Variants in DDX59 observed in about 807,000 individuals in gnomAD.
DDX59 encodes DEAD-box helicase 59, also known as probable ATP-dependent RNA helicase DDX59.
DDX59 carries 30 observed loss-of-function variants against 51.9 expected under a neutral mutation model. The observed-to-expected ratio is 0.58, with a 90% CI of 0.43 to 0.78. The LOEUF is 0.78. Among genes scored for constraint, DDX59 ranks in the 30% least tolerant of loss-of-function variants. The pLI, the probability that DDX59 is intolerant of heterozygous loss-of-function variation, is 0.00. For missense variants in DDX59, 672 were observed against 730.8 expected (o/e 0.92, Z 0.93); for synonymous variants, 255 against 253.3 (o/e 1.01, Z -0.06).
chr1:200,657,479 G>A, intron 4 of DDX59, among the ~76,000 whole-genome samples: 1 of 152,086 alleles, frequency 6.6e-6, no homozygotes, highest in East Asian at 1.9e-4. Context: ...GGCGGGTGCA[G>A]TGGCTCACAC....
At chr1:200,646,296 T>C (rs1056953285) in intron 7 of DDX59, among the ~76,000 whole-genome samples, 5 of 152,018 alleles carry the variant, frequency 3.3e-5, no homozygotes, top group Admixed American at 6.6e-5. Flanking sequence ...ACTGTGCCAC[T>C]GTACTCCAGC....
chr1:200,654,965 T>C (rs1416606395), intron 4 of DDX59: 8 of 152,196 alleles, frequency 5.3e-5, no homozygotes, highest in Non-Finnish European at 8.8e-5. Flanking sequence ...CCCCTGCCTC[T>C]GTTTCTGCTC....
At chr1:200,647,111 G>A (rs950059944) in intron 7 of DDX59, among the ~76,000 whole-genome samples, 3 of 152,174 alleles carry the variant, frequency 2.0e-5, no homozygotes, top group Admixed American at 6.5e-5. Context: ...CACTAACGGC[G>A]TTTCAGTGGG....
At chr1:200,646,614 AG>A (rs568852223) in intron 7 of DDX59, among the ~76,000 whole-genome samples, 121 of 152,352 alleles carry the variant, frequency 7.9e-4, no homozygotes, top group African/African-American at 2.8e-3. Flanking sequence ...AGTGTTGATG[AG>A]GATGTGGGGA....
rs886037652 is a variant in DDX59 at position 200,644,514 on chromosome 1, C to T, written c.1600G>A (p.Gly534Arg). 3 of 1,563,456 alleles carry T rather than the reference C, an allele frequency of 1.9e-6. No individual in the cohort carries two copies. The highest frequency in any genetic ancestry group is 2.6e-6 in the Non-Finnish European group (3 of 1,157,218). Reference sequence around the variant, plus strand: ...TTTTGACCTAATCTTCCTACTCTTCCAATCTGAAATAAAATGCAAAGAACA... The same window carrying T: ...TTTTGACCTAATCTTCCTACTCTTCTAATCTGAAATAAAATGCAAAGAACA... ...SSMDEYVHQI[G>R]RVGRLGQNGT... The change falls in exon 8 of 8, where the codon GGA becomes AGA. Residue 534 changes from glycine to arginine, a missense_variant. Gly to Arg is a moderately radical substitution (Grantham distance 125). Coordinates refer to ENST00000331314, the MANE Select transcript of DDX59 (RefSeq NM_001031725.6).
chr1:200,662,757 G>A (rs16847099), intron 3 of DDX59, among the ~76,000 whole-genome samples: 17 of 152,072 alleles, frequency 1.1e-4, no homozygotes, highest in African/African-American at 3.4e-4. Flanking sequence ...TTATCCATTC[G>A]TTGCAATGAA....
intron 5 of DDX59, among the ~76,000 whole-genome samples, chr1:200,649,843 CTTT>C (rs777404977): frequency 2.1e-5 from 3 of 139,994 alleles, no homozygotes; most frequent in Admixed American, 7.2e-5. Flanking sequence ...TAACTTAATA[CTTT>C]TTTTTTTTTT....
rs1472902509 is a variant in DDX59 at position 200,661,952 on chromosome 1, T to C, written c.972+1967A>G. ...CTTGGTGCTGTCATCATGATAGTTC[T>C]TGTGAGATCTAGTTGTTTAAAAGTG... is the stretch of plus-strand genomic sequence containing the variant. On this transcript the variant is annotated intron_variant, in intron 3 of 7. Transcript: ENST00000331314. Among the ~76,000 whole-genome samples, 3 of 152,290 alleles carry C rather than the reference T, an allele frequency of 2.0e-5. No homozygotes were observed. In the East Asian group the frequency reaches 5.8e-4, roughly 29 times the overall value.
chr1:200,650,673 C>G lies in DDX59; in HGVS notation c.1066G>C (p.Asp356His). The change falls in exon 5 of 8, where the codon GAT becomes CAT. Residue 356 changes from aspartate (D) to histidine (H), a missense_variant. By Grantham distance (81) the Asp-to-His change is moderately conservative. Coordinates refer to ENST00000331314, the MANE Select transcript of DDX59 (RefSeq NM_001031725.6). ...GVKIVVVDEADTMLKMGFQQQ... is the reference protein window; with the variant it reads ...GVKIVVVDEAHTMLKMGFQQQ... ...TGAAAACCCATCTTTAACATGGTAT[C>G]AGCCTAAAATAAAATTGTATTAAAG... The G allele has an allele frequency of 6.2e-7, 1 of 1,604,334 alleles. No homozygotes were observed. Among genetic ancestry groups the G allele is most frequent in the South Asian group, 1.1e-5 (1 of 90,026 alleles).
chr1:200,662,525 G>A (rs1662441285), intron 3 of DDX59, among the ~76,000 whole-genome samples: 2 of 152,142 alleles, frequency 1.3e-5, no homozygotes. Context: ...GCATGGTGGT[G>A]GGCGCCTGTA....
chr1:200,664,282 A>G (rs1662571818), intron 2 of DDX59, among the ~76,000 whole-genome samples, 196 bp from the exon 3 acceptor site: 1 of 152,156 alleles, frequency 6.6e-6, no homozygotes, highest in African/African-American at 2.4e-5. Flanking sequence ...CTTACATAAC[A>G]CAGAATACAA....
At chr1:200,645,727 T>G (rs762280431) in intron 7 of DDX59, among the ~76,000 whole-genome samples, 64 of 152,196 alleles carry the variant, frequency 4.2e-4, no homozygotes, top group Non-Finnish European at 4.9e-4. Context: ...TTAACTGAAA[T>G]GTAAAACTTA....
chr1:200,661,798 G>A (rs1293596261), intron 3 of DDX59, among the ~76,000 whole-genome samples: 2 of 152,190 alleles, frequency 1.3e-5, no homozygotes, highest in African/African-American at 4.8e-5. Flanking sequence ...CTCTATCAAC[G>A]TGATACTGTT....
intron 3 of DDX59, among the ~76,000 whole-genome samples, chr1:200,662,188 C>A (rs1021857332): frequency 6.6e-6 from 1 of 152,126 alleles, no homozygotes; most frequent in African/African-American, 2.4e-5. Context: ...GCAGTGCAAG[C>A]ATGGACTAAT....
chr1:200,668,016 G>A (rs1176746084), intron 1 of DDX59, among the ~76,000 whole-genome samples: 3 of 152,076 alleles, frequency 2.0e-5, no homozygotes, highest in Non-Finnish European at 4.4e-5. Flanking sequence ...TAAGTGGTTT[G>A]GGCTGGGCGC....
chr1:200,664,530 TC>T (rs1383910242), intron 2 of DDX59, among the ~76,000 whole-genome samples: 1 of 152,216 alleles, frequency 6.6e-6, no homozygotes, highest in Non-Finnish European at 1.5e-5. Flanking sequence ...TATACCCATA[TC>T]CTATTTCGGG....
At chr1:200,650,814 G>A in intron 4 of DDX59, 138 bp from the exon 5 acceptor site, 1 of 699,446 alleles carries the variant, frequency 1.4e-6, no homozygotes, top group Non-Finnish European at 2.2e-6. Flanking sequence ...CAAGAGAACT[G>A]GAAAAATATG....
chr1:200,642,730 T>G (rs1661084654), downstream of DDX59, among the ~76,000 whole-genome samples: 1 of 152,158 alleles, frequency 6.6e-6, no homozygotes, highest in Non-Finnish European at 1.5e-5. Context: ...TCTCCCCTAT[T>G]GGGTATTTGA....
At chr1:200,645,856 A>G (rs1262103380) in intron 7 of DDX59, among the ~76,000 whole-genome samples, 1 of 152,236 alleles carries the variant, frequency 6.6e-6, no homozygotes, top group Non-Finnish European at 1.5e-5. Flanking sequence ...AGGGAATGAG[A>G]CAGAGGAGAA....
Sources: gnomAD v4.1 joint callset for allele counts (sites outside exome capture counted in the v4.1 genomes callset) on GRCh38, gnomAD v4.1.1 for gene constraint, MANE v1.5 for transcripts, NCBI Gene and HGNC (gene_info 2026-07-23, HGNC 2026-07-21) for gene names.